DISP3: variants seen among roughly 807,000 people sequenced by gnomAD.
The protein encoded by DISP3 is protein dispatched homolog 3.
DISP3 carries 101 observed loss-of-function variants against 135.3 expected under a neutral mutation model. That is an observed-to-expected ratio of 0.75 (90% CI 0.64 to 0.88). The LOEUF is 0.88. DISP3 is among the 40% of genes least tolerant of loss of function. DISP3 has a pLI of 0.00. For missense variants in DISP3, 1,713 were observed against 1,878.6 expected, an observed-to-expected ratio of 0.91 and a Z score of 1.63; for synonymous variants, 856 against 817.0, an observed-to-expected ratio of 1.05 and a Z score of -0.81.
chr1:11,527,808 C>A (rs1642467491), intron 13 of DISP3, among the ~76,000 whole-genome samples: 1 of 152,156 alleles, frequency 6.6e-6, no homozygotes. Flanking sequence ...AAGTGTGAGA[C>A]AACTTCTCAA....
At chr1:11,494,452 C>T (rs911337890) in intron 1 of DISP3, among the ~76,000 whole-genome samples, 4 of 152,110 alleles carry the variant, frequency 2.6e-5, no homozygotes, top group Admixed American at 6.5e-5. Context: ...GTCCAGGTCT[C>T]GGGGAAAGGT....
chr1:11,487,554 C>A (rs1199767499), intron 1 of DISP3, among the ~76,000 whole-genome samples: 1 of 152,258 alleles, frequency 6.6e-6, no homozygotes, highest in African/African-American at 2.4e-5. Flanking sequence ...CCCGCTGTCA[C>A]CAGCCTAAAA....
chr1:11,493,533 G>A lies in DISP3; in HGVS notation c.-3-7457G>A, dbSNP rs952428563. Among the ~76,000 whole-genome samples the A allele has an allele frequency of 4.6e-5, 7 of 152,184 alleles. No homozygotes were observed. In the South Asian group the frequency reaches 1.5e-3, roughly 32 times the overall value. ...TGAGGTAGGAGTTCAAGACCAGCCTGGCCAACATGGCGAAACCCCGTCTCT... is the reference window on the plus strand; with the variant it reads ...TGAGGTAGGAGTTCAAGACCAGCCTAGCCAACATGGCGAAACCCCGTCTCT... On this transcript the variant is annotated intron_variant, in intron 1 of 20. Transcript: ENST00000294484.
intron 13 of DISP3, among the ~76,000 whole-genome samples, chr1:11,528,173 CT>C (rs1642478125): frequency 6.6e-6 from 1 of 152,188 alleles, no homozygotes; most frequent in Non-Finnish European, 1.5e-5. Flanking sequence ...TTTAATGCCC[CT>C]GCCCCTTCTG....
rs1641941780 is a variant in DISP3 at position 11,514,384 on chromosome 1, C to T, written c.1317-6C>T. 2 of 1,607,882 alleles carry T rather than the reference C, an allele frequency of 1.2e-6. No individual in the cohort carries two copies. Among genetic ancestry groups the T allele is most frequent in the South Asian group, 2.2e-5 (2 of 90,962 alleles). ...ATTCTTTTCTCCACGTCCTCCCTTC[C>T]CCCAGCAAAGTCCAGGTTCTCTATG... is the stretch of plus-strand genomic sequence containing the variant. On this transcript the variant is annotated splice_polypyrimidine_tract_variant and splice_region_variant and intron_variant, in intron 3 of 20. Coordinates refer to ENST00000294484, the MANE Select transcript of DISP3 (RefSeq NM_020780.2).
At chr1:11,518,437 G>A (rs753532718) in intron 7 of DISP3, among the ~76,000 whole-genome samples, 6 of 152,224 alleles carry the variant, frequency 3.9e-5, no homozygotes, top group African/African-American at 9.6e-5. Flanking sequence ...GTGCCCCGGC[G>A]GAGGCACTGC....
Position 11,519,648 on chromosome 1 carries a change from C to T in DISP3, c.2039-71C>T, listed in dbSNP as rs1642119301. ...GCTTCCTCACCAGGCATCTGGGCTT[C>T]CCTGGAAGCGAGCGTGGACCACAGT... On this transcript the variant is annotated intron_variant, in intron 8 of 20. Transcript: ENST00000294484. This position sits in a 1 kb window ranked among gnomAD's most constrained non-coding sequence, Gnocchi z 4.3. 1.3e-6 allele frequency: 2 copies of T among 1,578,406 alleles called. No homozygotes were observed. Among genetic ancestry groups the T allele is most frequent in the African/African-American group, 1.3e-5 (1 of 74,356 alleles).
At chr1:11,488,734 AC>A (rs1451845119) in intron 1 of DISP3, among the ~76,000 whole-genome samples, 1 of 151,890 alleles carries the variant, frequency 6.6e-6, no homozygotes. Flanking sequence ...TGATTCTAGG[AC>A]CCTGAGATTT....
intron 3 of DISP3, among the ~76,000 whole-genome samples, chr1:11,507,312 G>A (rs1302206022): frequency 6.6e-6 from 1 of 152,130 alleles, no homozygotes; most frequent in East Asian, 1.9e-4. Context: ...TGAGAGCTTG[G>A]TGTATTCTAC....
intron 3 of DISP3, among the ~76,000 whole-genome samples, chr1:11,506,616 T>TA (rs1339252447): frequency 6.6e-6 from 1 of 152,194 alleles, no homozygotes; most frequent in Admixed American, 6.5e-5. Flanking sequence ...GCAATTATTT[T>TA]ATTCATCATT....
At chr1:11,523,590 A>C (rs574186999) in intron 10 of DISP3, among the ~76,000 whole-genome samples, 125 of 124,764 alleles carry the variant, frequency 1.0e-3, no homozygotes, top group African/African-American at 3.6e-3. Flanking sequence ...TGGCACAGAG[A>C]TGGCAAGCAG....
Position 11,526,639 on chromosome 1 carries a change from C to G in DISP3, c.2614-12C>G. On this transcript the variant is annotated splice_polypyrimidine_tract_variant and intron_variant, in intron 12 of 20. Transcript: ENST00000294484. ...GAGTCATGTGTCTTGTCTCTGTCAA[C>G]CCACTGCTTAGGTGTATAGAGCGCC... 6.2e-7 allele frequency: 1 copy of G among 1,605,124 alleles called. No homozygotes were observed. Among genetic ancestry groups the G allele is most frequent in the Non-Finnish European group, 8.5e-7 (1 of 1,172,374 alleles).
At position 11,519,106 on chromosome 1, in the gene DISP3, C is replaced by A. The variant is rs1034417734; in HGVS notation, c.1890-249C>A. Among the ~76,000 whole-genome samples, 3 of 152,146 alleles carry A rather than the reference C, an allele frequency of 2.0e-5. No homozygotes were observed. The highest frequency in any genetic ancestry group is 2.0e-4 in the Admixed American group (3 of 15,278). ...CCCGGGCCACTGTGTGTTGTCATCCCCTCTTCCTGGGTAATGTTTGCTGTC... is the reference window on the plus strand; with the variant it reads ...CCCGGGCCACTGTGTGTTGTCATCCACTCTTCCTGGGTAATGTTTGCTGTC... On this transcript the variant is annotated intron_variant, in intron 7 of 20. Transcript: ENST00000294484. The surrounding 1 kb of genome is among the most constrained non-coding windows in gnomAD (Gnocchi z 4.3).
In DISP3 at chr1:11,499,633, C is replaced by G. The variant is rs1009776624; in HGVS notation, c.-3-1357C>G. On this transcript the variant is annotated intron_variant, in intron 1 of 20. Coordinates refer to ENST00000294484, the MANE Select transcript of DISP3 (RefSeq NM_020780.2). The surrounding 1 kb of genome is among the most constrained non-coding windows in gnomAD (Gnocchi z 5.2). The stretch of plus-strand genomic sequence containing the variant: ...TCCGCTGCGCACCCCTCCTCTCCCC[C>G]ACATCCTCAGTCATTCTTCCTTTCT... Among the ~76,000 whole-genome samples the G allele has an allele frequency of 6.6e-6, 1 of 152,154 alleles. No homozygotes were observed. The highest frequency in any genetic ancestry group is 2.4e-5 in the African/African-American group (1 of 41,428).
In DISP3 at chr1:11,531,574, TCTC is replaced by T. The variant is rs754806697; in HGVS notation, c.3245_3247del (p.Ser1082del). 6.2e-6 allele frequency: 10 copies of T among 1,613,406 alleles called. No homozygotes were observed. Among genetic ancestry groups the T allele is most frequent in the South Asian group, 1.1e-5 (1 of 91,070 alleles). On this transcript the variant is annotated inframe_deletion, in exon 17 of 21. Transcript: ENST00000294484. This position sits in a 1 kb window ranked among gnomAD's most constrained non-coding sequence, Gnocchi z 5.2. ...TTGCCTCTCCCCGCAGGCTACAGCA[TCTC>T]CTCCTTCCTGCAGATGTTGCACCCT... is the stretch of plus-strand genomic sequence containing the variant.
chr1:11,506,401 A>G (rs1221227280), intron 3 of DISP3, among the ~76,000 whole-genome samples: 1 of 151,638 alleles, frequency 6.6e-6, no homozygotes, highest in Non-Finnish European at 1.5e-5. Flanking sequence ...ACTGAGCCCC[A>G]TATGTTTTCA....
At position 11,499,011 on chromosome 1, in the gene DISP3, A is replaced by G. The variant is rs1641422636; in HGVS notation, c.-3-1979A>G. On this transcript the variant is annotated intron_variant, in intron 1 of 20. Coordinates refer to ENST00000294484, the MANE Select transcript of DISP3 (RefSeq NM_020780.2). This position sits in a 1 kb window ranked among gnomAD's most constrained non-coding sequence, Gnocchi z 5.2. ...GCAAAATCTAGTGAGGATGGCGAGA[A>G]GCTTAGACAGGAAGCTGGGGGGTTC... Among the ~76,000 whole-genome samples the G allele has an allele frequency of 6.6e-6, 1 of 152,184 alleles. No individual in the cohort carries two copies. Among genetic ancestry groups the G allele is most frequent in the South Asian group, 2.1e-4 (1 of 4,830 alleles).
chr1:11,485,580 C>A (rs1641017136), intron 1 of DISP3, among the ~76,000 whole-genome samples: 1 of 152,092 alleles, frequency 6.6e-6, no homozygotes, highest in Non-Finnish European at 1.5e-5. Flanking sequence ...AAGTATGTGT[C>A]CCCCACACCC....
intron 1 of DISP3, among the ~76,000 whole-genome samples, chr1:11,489,249 T>G (rs999257561): frequency 2.6e-5 from 4 of 152,222 alleles, no homozygotes; most frequent in African/African-American, 9.6e-5. Flanking sequence ...CACGTTTAGC[T>G]TCTGATGTAT....
Sources: gnomAD v4.1 joint callset for allele counts (sites outside exome capture counted in the v4.1 genomes callset) on GRCh38, gnomAD v4.1.1 for gene constraint, Gnocchi (gnomAD v3.1) non-coding constraint, MANE v1.5 for transcripts, NCBI Gene and HGNC (gene_info 2026-07-23, HGNC 2026-07-21) for gene names.